The following PPM1H variants were observed in gnomAD, a reference collection of about 807,000 sequenced individuals.
The protein encoded by PPM1H is protein phosphatase 1H.
A neutral mutation model predicts 54.9 loss-of-function variants in PPM1H; 27 were observed. That is an observed-to-expected ratio of 0.49 (90% CI 0.36 to 0.68). The LOEUF (loss-of-function observed/expected upper bound fraction) is 0.68. Ranked by LOEUF, PPM1H falls within the 30% of genes least tolerant of loss-of-function variation. The pLI is 0.00. For synonymous variants in PPM1H, 305 were observed against 270.8 expected (o/e 1.13, Z -1.24); for missense variants, 596 against 667.8 (o/e 0.89, Z 1.19).
chr12:62,803,590 ACTC>A (rs747175993), intron 2 of PPM1H, among the ~76,000 whole-genome samples: 1 of 151,782 alleles, frequency 6.6e-6, no homozygotes, highest in Non-Finnish European at 1.5e-5. Flanking sequence ...AAATCATAAA[ACTC>A]CTAGAAAAAA....
intron 4 of PPM1H, among the ~76,000 whole-genome samples, chr12:62,778,372 T>C (rs906482674): frequency 8.5e-5 from 13 of 152,160 alleles, no homozygotes; most frequent in Admixed American, 6.5e-5. Context: ...GTCACATAAC[T>C]GGGTTCTAGC....
At chr12:62,742,284 CCTTT>C (rs1395135393) in intron 4 of PPM1H, among the ~76,000 whole-genome samples, 1 of 152,218 alleles carries the variant, frequency 6.6e-6, no homozygotes, top group Non-Finnish European at 1.5e-5. Flanking sequence ...CCAAGCTCTT[CCTTT>C]AAGAGGCATC....
At chr12:62,679,109 C>A (rs1157846073) in intron 8 of PPM1H, among the ~76,000 whole-genome samples, 2 of 152,108 alleles carry the variant, frequency 1.3e-5, no homozygotes, top group African/African-American at 4.8e-5. Context: ...GCCTCAGCCT[C>A]CCGAGTAGCT....
chr12:62,932,795 C>T (rs958519584), intron 1 of PPM1H, among the ~76,000 whole-genome samples: 10 of 151,552 alleles, frequency 6.6e-5, no homozygotes, highest in Non-Finnish European at 1.5e-4. Flanking sequence ...CCACCACGCC[C>T]GGCTAATTTT....
At chr12:62,846,209 A>C (rs2120914735) in intron 1 of PPM1H, among the ~76,000 whole-genome samples, 1 of 152,274 alleles carries the variant, frequency 6.6e-6, no homozygotes, top group East Asian at 1.9e-4. Flanking sequence ...ATAAAATTTA[A>C]ACTTTTGGGC....
At chr12:62,896,421 CAT>C (rs1870990364) in intron 1 of PPM1H, among the ~76,000 whole-genome samples, 1 of 152,116 alleles carries the variant, frequency 6.6e-6, no homozygotes, top group South Asian at 2.1e-4. Flanking sequence ...CAAACAACCC[CAT>C]CAAAAAGTGG....
At chr12:62,728,247 A>G (rs1310914568) in intron 5 of PPM1H, among the ~76,000 whole-genome samples, 1 of 152,200 alleles carries the variant, frequency 6.6e-6, no homozygotes, top group Non-Finnish European at 1.5e-5. Context: ...AGAATACGAC[A>G]TATCCTCATC....
At chr12:62,794,823 G>A (rs1408228774) in intron 3 of PPM1H, among the ~76,000 whole-genome samples, 1 of 152,024 alleles carries the variant, frequency 6.6e-6, no homozygotes, top group Non-Finnish European at 1.5e-5. Context: ...TATTGTCCTG[G>A]GCCAAGCGAC....
At chr12:62,819,244 C>T (rs933920319) in intron 2 of PPM1H, among the ~76,000 whole-genome samples, 2 of 151,806 alleles carry the variant, frequency 1.3e-5, no homozygotes, top group African/African-American at 4.8e-5. Flanking sequence ...ATTCTCCTGC[C>T]TCAGCCTCCC....
intron 2 of PPM1H, among the ~76,000 whole-genome samples, chr12:62,816,663 AAATT>A (rs1285460796): frequency 1.3e-5 from 2 of 152,178 alleles, no homozygotes; most frequent in African/African-American, 4.8e-5. Context: ...AAGGTTAAAT[AAATT>A]AATACCAGCA....
chr12:62,719,215 C>T (rs904469683), intron 6 of PPM1H, among the ~76,000 whole-genome samples: 1 of 152,176 alleles, frequency 6.6e-6, no homozygotes, highest in Non-Finnish European at 1.5e-5. Context: ...GGCAGTAGAT[C>T]CCTGGCCAAG....
chr12:62,718,482 G>T (rs1267839341), intron 6 of PPM1H, among the ~76,000 whole-genome samples: 2 of 152,028 alleles, frequency 1.3e-5, no homozygotes, highest in African/African-American at 2.4e-5. Context: ...GAATATATAA[G>T]AGCACCCCAT....
chr12:62,793,269 T>C (rs2076710677), intron 3 of PPM1H, among the ~76,000 whole-genome samples: 1 of 152,200 alleles, frequency 6.6e-6, no homozygotes, highest in Non-Finnish European at 1.5e-5. Flanking sequence ...CTGAAGACCT[T>C]GCAGGGCAAC....
At chr12:62,889,255 T>C (rs1203569288) in intron 1 of PPM1H, among the ~76,000 whole-genome samples, 1 of 152,178 alleles carries the variant, frequency 6.6e-6, no homozygotes, top group Non-Finnish European at 1.5e-5. Context: ...ATTTTGTGGA[T>C]ACTGACAAAC....
At chr12:62,688,832 C>T (rs1414982500) in intron 8 of PPM1H, among the ~76,000 whole-genome samples, 1 of 152,046 alleles carries the variant, frequency 6.6e-6, no homozygotes, top group Non-Finnish European at 1.5e-5. Context: ...CCTGTCTCTA[C>T]TAAAAATACA....
chr12:62,657,499 C>T (rs936515263), intron 9 of PPM1H, among the ~76,000 whole-genome samples: 1 of 152,138 alleles, frequency 6.6e-6, no homozygotes, highest in Non-Finnish European at 1.5e-5. Flanking sequence ...TGAATTCCCA[C>T]AGATCTGAGT....
At position 62,876,124 on chromosome 12, in the gene PPM1H, C is replaced by A. The variant is rs182661631; in HGVS notation, c.246-43845G>T. On this transcript the variant is annotated intron_variant, in intron 1 of 9. Transcript: ENST00000228705. ...GGGTGGTAGTGAACTTCCTGTCCAA[C>A]CAAATCAGGATCTGATAATCTGTAC... 9.2e-5 allele frequency among the ~76,000 whole-genome samples: 14 copies of A among 152,186 alleles called. No homozygotes were observed. The East Asian group carries it at 2.7e-3, about 29-fold the overall frequency.
rs1442151309 is a variant in PPM1H, at chr12:62,770,838, G to A, written c.869+17388C>T. On this transcript the variant is annotated intron_variant, in intron 4 of 9. Transcript: ENST00000228705. ...AGTAGGGAAAGCGTTCCCACTCTGC[G>A]ATTTCAAAAGCCATTTTATTATTGC... Among the ~76,000 whole-genome samples the A allele has an allele frequency of 6.6e-5, 10 of 151,956 alleles. No homozygotes were observed. In the East Asian group the frequency reaches 7.7e-4, roughly 12 times the overall value.
chr12:62,829,151 T>C (rs1236898726), intron 2 of PPM1H, among the ~76,000 whole-genome samples: 2 of 152,230 alleles, frequency 1.3e-5, no homozygotes, highest in Non-Finnish European at 2.9e-5. Context: ...TGTTCACCTA[T>C]GTTCACGACA....
Sources: gnomAD v4.1 joint callset for allele counts (sites outside exome capture counted in the v4.1 genomes callset) on GRCh38, gnomAD v4.1.1 for gene constraint, MANE v1.5 for transcripts, NCBI Gene and HGNC (gene_info 2026-07-23, HGNC 2026-07-21) for gene names.